The following MYH14 variants were observed in gnomAD, a reference collection of about 807,000 sequenced individuals.
The protein encoded by MYH14 is myosin heavy chain 14.
Under a neutral mutation model 255.5 loss-of-function variants are expected in MYH14, and 123 were observed. The observed-to-expected ratio is 0.48, with a 90% CI of 0.42 to 0.56. MYH14 has a LOEUF of 0.56. Among genes scored for constraint, MYH14 ranks in the 20% least tolerant of loss-of-function variants. The pLI is 0.00. For missense variants in MYH14, 2,423 were observed against 2,802.3 expected (o/e 0.86, Z 3.06); for synonymous variants, 1,095 against 1,161.2 (o/e 0.94, Z 1.16).
intron 5 of MYH14, 21 bp from the exon 6 acceptor site, chr19:50,224,133 C>T (rs370758402): frequency 8.2e-5 from 131 of 1,594,374 alleles, no homozygotes; most frequent in African/African-American, 5.6e-4. Flanking sequence ...GTCCGTGTCT[C>T]GTGTCCCGTG....
In MYH14 at chr19:50,230,561, A is replaced by G; in HGVS notation, c.911A>G (p.Lys304Arg). The G allele has an allele frequency of 6.4e-7, 1 of 1,571,476 alleles. No homozygotes were observed. Among genetic ancestry groups the G allele is most frequent in the African/African-American group, 1.3e-5 (1 of 74,098 alleles). ...LEKSRAIRQA[K>R]DECSFHIFYQ... ...AAGTCGCGGGCCATCCGCCAGGCCAAGGACGAGTGCAGCTTCCACATCTTC... is the reference window on the plus strand; with the variant it reads ...AAGTCGCGGGCCATCCGCCAGGCCAGGGACGAGTGCAGCTTCCACATCTTC... The change falls in exon 9 of 43, where the codon AAG (lysine) becomes AGG (arginine). Residue 304 changes from lysine (K) to arginine (R), a missense_variant. Around this residue, in one of 3 missense-constraint regions of MYH14, gnomAD observed 672 missense variants for 881.8 expected, o/e 0.76. Coordinates refer to ENST00000642316, the MANE Select transcript of MYH14 (RefSeq NM_001145809.2). The surrounding 1 kb of genome is among the most constrained non-coding windows in gnomAD (Gnocchi z 4.7).
intron 3 of MYH14, among the ~76,000 whole-genome samples, chr19:50,222,203 G>A (rs551682079): frequency 5.3e-4 from 81 of 152,186 alleles, no homozygotes; most frequent in African/African-American, 1.5e-3. Flanking sequence ...TGCTTCGGCC[G>A]GGTGCAGTGG....
At chr19:50,267,208 T>C (rs1461211193) in intron 23 of MYH14, among the ~76,000 whole-genome samples, 200 bp downstream of exon 23, 1 of 144,024 alleles carries the variant, frequency 6.9e-6, no homozygotes, top group Admixed American at 7.3e-5. Context: ...AGTCGTGACG[T>C]ACAGGGAGCA....
chr19:50,242,468 A>T (rs1290798942), intron 10 of MYH14, among the ~76,000 whole-genome samples: 1 of 152,146 alleles, frequency 6.6e-6, no homozygotes, highest in African/African-American at 2.4e-5. Context: ...AGGGGTTTCC[A>T]CTTATAAAAC....
chr19:50,220,638 C>T (rs952455405), intron 3 of MYH14, among the ~76,000 whole-genome samples: 1 of 151,990 alleles, frequency 6.6e-6, no homozygotes, highest in Non-Finnish European at 1.5e-5. Context: ...TCGCTGCAAC[C>T]TCCTCCCGGG....
In MYH14 at chr19:50,301,679, G is replaced by C. The variant is rs1460027279; in HGVS notation, c.5488G>C (p.Glu1830Gln). The change falls in exon 40 of 43, where the codon GAG becomes CAG. Residue 1830 changes from glutamate to glutamine, a missense_variant. By Grantham distance (29) the Glu-to-Gln change is conservative. This residue lies in a region of MYH14 where 1,513 missense variants were observed against 1,674.8 expected (regional missense o/e 0.90). Transcript: ENST00000642316. ...GCTACAGGTAGAGTCACTGACCACA[G>C]AGCTGTCAGCTGAGCGCAGTTTCTC... ...LLLQVESLTT[E>Q]LSAERSFSAK... 6.2e-7 allele frequency: 1 copy of C among 1,613,600 alleles called. No homozygotes were observed. The highest frequency in any genetic ancestry group is 1.1e-5 in the South Asian group (1 of 91,054).
At chr19:50,263,504 T>C (rs1462812604) in intron 22 of MYH14, 84 bp downstream of exon 22, 5 of 920,108 alleles carry the variant, frequency 5.4e-6, no homozygotes, top group South Asian at 2.0e-5. Flanking sequence ...ACTTCCTCCA[T>C]GTGGGCCTCA....
chr19:50,225,773 G>A, intron 7 of MYH14, 96 bp downstream of exon 7: 1 of 898,968 alleles, frequency 1.1e-6, no homozygotes, highest in Non-Finnish European at 1.8e-6. Flanking sequence ...TGGATCTGTT[G>A]AGGGAGGAGG....
intron 11 of MYH14, among the ~76,000 whole-genome samples, chr19:50,246,758 T>A (rs146343723): frequency 1.5e-3 from 224 of 152,338 alleles, no homozygotes; most frequent in African/African-American, 5.3e-3. Flanking sequence ...TAAACAACAC[T>A]GCGCTGAACA....
intron 36 of MYH14, 46 bp from the exon 37 acceptor site, chr19:50,292,215 G>A (rs1352395755): frequency 6.5e-7 from 1 of 1,545,940 alleles, no homozygotes; most frequent in Non-Finnish European, 8.7e-7. Context: ...AGTTCCCTGT[G>A]CTGTGTGGCC....
At chr19:50,241,892 C>T (rs570571566) in intron 10 of MYH14, among the ~76,000 whole-genome samples, 2 of 152,234 alleles carry the variant, frequency 1.3e-5, no homozygotes, top group Non-Finnish European at 2.9e-5. Flanking sequence ...GATCTTCCCG[C>T]CTTTGCCCTC....
In MYH14 at chr19:50,291,059, G is replaced by A; in HGVS notation, c.5127+11G>A. On this transcript the variant is annotated intron_variant, in intron 36 of 42. Coordinates refer to ENST00000642316, the MANE Select transcript of MYH14 (RefSeq NM_001145809.2). Reference sequence around the variant, plus strand: ...CTTCGCAAGATGCAGGTAAGAGCCGGCGTGAGCTGCAGGGAGGGGAGGCTT... The same window carrying A: ...CTTCGCAAGATGCAGGTAAGAGCCGACGTGAGCTGCAGGGAGGGGAGGCTT... The A allele has an allele frequency of 1.2e-6, 2 of 1,611,734 alleles. No homozygotes were observed. Among genetic ancestry groups the A allele is most frequent in the Non-Finnish European group, 1.7e-6 (2 of 1,179,020 alleles).
intron 2 of MYH14, among the ~76,000 whole-genome samples, chr19:50,216,637 T>G (rs2032487289): frequency 6.6e-6 from 1 of 151,056 alleles, no homozygotes; most frequent in Admixed American, 6.6e-5. Flanking sequence ...CTAGGCATGG[T>G]CATGTCAGCA....
At position 50,272,736 on chromosome 19, in the gene MYH14, A is replaced by G. The variant is rs780425212; in HGVS notation, c.3467+5A>G. Reference sequence around the variant, plus strand: ...GCTGCAGGCTGCCCTGGCCAGGTGCAGGGTGGGGTGGGCTTGGTGGGGTAA... The same window carrying G: ...GCTGCAGGCTGCCCTGGCCAGGTGCGGGGTGGGGTGGGCTTGGTGGGGTAA... On this transcript the variant is annotated splice_donor_5th_base_variant and intron_variant, in intron 27 of 42. Coordinates refer to ENST00000642316, the MANE Select transcript of MYH14 (RefSeq NM_001145809.2). 6.5e-7 allele frequency: 1 copy of G among 1,549,670 alleles called. No homozygotes were observed. Among genetic ancestry groups the G allele is most frequent in the Non-Finnish European group, 8.7e-7 (1 of 1,146,978 alleles).
intron 5 of MYH14, 109 bp from the exon 6 acceptor site, chr19:50,224,045 T>TCCCCCCCCCCCC: frequency 9.5e-6 from 3 of 316,164 alleles, no homozygotes; most frequent in South Asian, 3.6e-5. Flanking sequence ...CCAGTCCCCC[T>TCCCCCCCCCCCC]TCCCCCACCC....
At chr19:50,207,294 A>AGAGAGAGAGAGG in intron 1 of MYH14, among the ~76,000 whole-genome samples, 1 of 149,654 alleles carries the variant, frequency 6.7e-6, no homozygotes, top group African/African-American at 2.5e-5. Context: ...AGAGAGAGAG[A>AGAGAGAGAGAGG]GAGAGAGAGA....
chr19:50,252,838 G>A lies in MYH14; in HGVS notation c.1945+85G>A. The A allele has an allele frequency of 1.0e-6, 1 of 980,514 alleles. No homozygotes were observed. The highest frequency in any genetic ancestry group is 1.5e-6 in the Non-Finnish European group (1 of 655,166). 60.7% of individuals were successfully genotyped at this position (980,514 alleles called of 1,614,324 possible). A position where few individuals can be genotyped will look rare whatever the true frequency, so the allele number is the denominator to read the frequency against. ...ACAGCGTGAGCACCTTTGTTTCAGA[G>A]GCGGAGGTCTGAACCTGAGTTTTCT... On this transcript the variant is annotated intron_variant, in intron 16 of 42. Transcript: ENST00000642316. This position sits in a 1 kb window ranked among gnomAD's most constrained non-coding sequence, Gnocchi z 4.2.
rs2034458118 is a variant in MYH14 at position 50,252,946 on chromosome 19, G to C, written c.1945+193G>C. Reference sequence around the variant, plus strand: ...TCCATAGATTAATTGATTGACTATTGATTTGATTGATAAGCCAGCATCCTT... The same window carrying C: ...TCCATAGATTAATTGATTGACTATTCATTTGATTGATAAGCCAGCATCCTT... On this transcript the variant is annotated intron_variant, in intron 16 of 42. Transcript: ENST00000642316. The surrounding 1 kb of genome is among the most constrained non-coding windows in gnomAD (Gnocchi z 4.2). Among the ~76,000 whole-genome samples, 1 of 152,160 alleles carries C rather than the reference G, an allele frequency of 6.6e-6. No individual in the cohort carries two copies. Among genetic ancestry groups the C allele is most frequent in the Admixed American group, 6.5e-5 (1 of 15,268 alleles).
In MYH14 at chr19:50,308,964, A is replaced by G. The variant is rs889002; in HGVS notation, c.5788-41A>G. The G allele has an allele frequency of 0.83, 1,275,852 of 1,545,388 alleles. 527,738 individuals carry two copies. Among genetic ancestry groups the G allele is most frequent in the East Asian group, 0.99 (41,827 of 42,308 alleles). ...TGTTGGAGAGGGAGGGAGTGATGAC[A>G]GTACCTGGAGATATAACCCAGTCCC... On this transcript the variant is annotated intron_variant, in intron 41 of 42. Coordinates refer to ENST00000642316, the MANE Select transcript of MYH14 (RefSeq NM_001145809.2).
Sources: allele counts gnomAD v4.1 joint callset (sites outside exome capture counted in the v4.1 genomes callset), GRCh38; gene constraint gnomAD v4.1.1; regional missense constraint gnomAD v4.1.1; non-coding constraint Gnocchi (gnomAD v3.1); transcripts MANE v1.5; gene names NCBI Gene and HGNC (gene_info 2026-07-23, HGNC 2026-07-21).